Variants in ROCK1 observed in about 807,000 individuals in gnomAD.
ROCK1 encodes the protein Rho associated coiled-coil containing protein kinase 1.
ROCK1 carries 36 observed loss-of-function variants against 196.8 expected under a neutral mutation model. The observed-to-expected ratio is 0.18, with a 90% confidence interval of 0.14 to 0.24. The LOEUF (loss-of-function observed/expected upper bound fraction) is 0.24. ROCK1 is among the 10% of genes least tolerant of loss of function. The probability of loss-of-function intolerance (pLI) is 1.00; values close to 1 mark genes in which losing one functional copy is unlikely to be tolerated. For missense variants in ROCK1, 920 were observed against 1,562.0 expected (o/e 0.59, Z 6.93); for synonymous variants, 443 against 515.9 (o/e 0.86, Z 1.91).
At chr18:20,989,934 T>C (rs910009313) in intron 18 of ROCK1, among the ~76,000 whole-genome samples, 5 of 152,086 alleles carry the variant, frequency 3.3e-5, no homozygotes, top group South Asian at 2.1e-4. Context: ...AAGAAACTTA[T>C]GACCGATATG....
intron 27 of ROCK1, among the ~76,000 whole-genome samples, chr18:20,962,149 C>A (rs1295755894): frequency 6.6e-6 from 1 of 152,060 alleles, no homozygotes; most frequent in South Asian, 2.1e-4. Flanking sequence ...ATAGTGGTTC[C>A]AGTTTAAAAA....
intron 8 of ROCK1, among the ~76,000 whole-genome samples, chr18:21,040,058 C>G (rs866714575): frequency 6.6e-6 from 1 of 151,688 alleles, no homozygotes; most frequent in African/African-American, 2.4e-5. Context: ...GACTCCGTCT[C>G]AAAAAAAAGA....
At chr18:20,962,523 T>C (rs995030713) in intron 27 of ROCK1, among the ~76,000 whole-genome samples, 50 of 152,310 alleles carry the variant, frequency 3.3e-4, no homozygotes, top group African/African-American at 1.2e-3. Flanking sequence ...ATATTTATGC[T>C]TTCTGGCTCT....
intron 16 of ROCK1, among the ~76,000 whole-genome samples, chr18:21,004,044 A>AT (rs1428594627): frequency 2.0e-5 from 3 of 152,146 alleles, no homozygotes; most frequent in African/African-American, 7.2e-5. Context: ...CCTCCATAAC[A>AT]TTTTGATCAC....
Position 21,023,691 on chromosome 18 carries a change from GA to G in ROCK1, c.1212-12del. On this transcript the variant is annotated splice_polypyrimidine_tract_variant and intron_variant, in intron 10 of 32. Transcript: ENST00000399799. ...GCTGAAGATAAGTATCTGAGGGAAA[GA>G]AAAGTTTAAAAAGAAAAGAAAACAA... The G allele has an allele frequency of 6.6e-7, 1 of 1,523,798 alleles. No individual in the cohort carries two copies. The highest frequency in any genetic ancestry group is 8.9e-7 in the Non-Finnish European group (1 of 1,122,452). The allele number at this position is 1,523,798 out of a possible 1,614,324, so 94.4% of individuals were successfully genotyped here. A position where few individuals can be genotyped will look rare whatever the true frequency, so the allele number is the denominator to read the frequency against.
chr18:21,066,930 T>C (rs1200640970), intron 2 of ROCK1, among the ~76,000 whole-genome samples: 1 of 152,306 alleles, frequency 6.6e-6, no homozygotes, highest in East Asian at 1.9e-4. Flanking sequence ...TCATTTCTTT[T>C]CAGTAAATAT....
chr18:21,010,099 T>C (rs1012061663), intron 13 of ROCK1, among the ~76,000 whole-genome samples: 6 of 152,212 alleles, frequency 3.9e-5, no homozygotes, highest in African/African-American at 1.2e-4. Flanking sequence ...TTTTCCTTTA[T>C]CAGTCTTGCT....
chr18:20,959,051 T>C (rs1177387659), intron 29 of ROCK1, among the ~76,000 whole-genome samples: 1 of 58,706 alleles, frequency 1.7e-5, no homozygotes. Flanking sequence ...ATATATAATA[T>C]ATATATTATA....
In ROCK1 at chr18:21,042,640, G is replaced by T; in HGVS notation, c.745C>A (p.Gln249Lys). ...DYISPEVLKS[Q>K]GGDGYYGREC... Reference sequence around the variant, plus strand: ...CTTCCATAATAACCATCACCACCTTGGGATTTTAATACTTCAGGGGAAATA... The same window carrying T: ...CTTCCATAATAACCATCACCACCTTTGGATTTTAATACTTCAGGGGAAATA... Residue 249 changes from glutamine (Q) to lysine (K), a missense_variant, in exon 7 of 33, where the codon CAA becomes AAA. Gln to Lys is a moderately conservative substitution (Grantham distance 53, BLOSUM62 1). Transcript: ENST00000399799. 6.2e-7 allele frequency: 1 copy of T among 1,613,774 alleles called. No individual in the cohort carries two copies. Among genetic ancestry groups the T allele is most frequent in the Non-Finnish European group, 8.5e-7 (1 of 1,179,834 alleles).
chr18:21,076,246 G>T (rs1294035702), intron 1 of ROCK1, among the ~76,000 whole-genome samples: 1 of 152,176 alleles, frequency 6.6e-6, no homozygotes, highest in Non-Finnish European at 1.5e-5. Context: ...GCTCATGCCT[G>T]TAATCCCAGC....
chr18:21,019,193 G>A (rs113877599), intron 12 of ROCK1, among the ~76,000 whole-genome samples: 312 of 151,988 alleles, frequency 2.1e-3, no homozygotes, highest in Middle Eastern at 0.014. Flanking sequence ...TTGCTCTGTC[G>A]CCCAGGCTGG....
chr18:21,050,940 C>CT (rs1421471995), intron 2 of ROCK1, among the ~76,000 whole-genome samples: 1 of 152,130 alleles, frequency 6.6e-6, no homozygotes, highest in Non-Finnish European at 1.5e-5. Flanking sequence ...AGTTCCTATT[C>CT]TTTAAGAGTT....
At chr18:21,071,956 TTCTC>T (rs1480489452) in intron 1 of ROCK1, among the ~76,000 whole-genome samples, 1 of 152,192 alleles carries the variant, frequency 6.6e-6, no homozygotes, top group East Asian at 1.9e-4. Context: ...ATAGTCTCAC[TTCTC>T]TCTCTTTTAT....
chr18:21,110,370 T>C (rs1279027466), intron 1 of ROCK1, among the ~76,000 whole-genome samples: 1 of 152,202 alleles, frequency 6.6e-6, no homozygotes, highest in African/African-American at 2.4e-5. Context: ...GTTATCATTT[T>C]CAAGGCTAAA....
chr18:21,044,437 T>G (rs1192469406), intron 5 of ROCK1, among the ~76,000 whole-genome samples: 1 of 152,122 alleles, frequency 6.6e-6, no homozygotes, highest in East Asian at 1.9e-4. Flanking sequence ...ATCAAATCAT[T>G]TGAGAGAGAC....
At chr18:21,107,645 GAC>G (rs1856533401) in intron 1 of ROCK1, among the ~76,000 whole-genome samples, 1 of 152,176 alleles carries the variant, frequency 6.6e-6, no homozygotes, top group African/African-American at 2.4e-5. Context: ...CACCCTGAAT[GAC>G]ACAATGAATG....
chr18:21,077,119 G>A (rs1249766538), intron 1 of ROCK1, among the ~76,000 whole-genome samples: 3 of 151,520 alleles, frequency 2.0e-5, no homozygotes, highest in East Asian at 1.9e-4. Flanking sequence ...GACTACAGGC[G>A]CCCACCACCG....
intron 1 of ROCK1, among the ~76,000 whole-genome samples, chr18:21,100,734 G>A (rs2036652547): frequency 6.6e-6 from 1 of 152,126 alleles, no homozygotes; most frequent in Non-Finnish European, 1.5e-5. Flanking sequence ...CATGTAGGGA[G>A]GGAGGAGAAT....
intron 12 of ROCK1, among the ~76,000 whole-genome samples, chr18:21,017,698 C>T (rs1160007184): frequency 2.6e-5 from 4 of 151,614 alleles, no homozygotes; most frequent in Admixed American, 6.6e-5. Context: ...AGTGGCCGGG[C>T]GTGGTGGCTC....
Sources: gnomAD v4.1 joint callset for allele counts (sites outside exome capture counted in the v4.1 genomes callset) on GRCh38, gnomAD v4.1.1 for gene constraint, MANE v1.5 for transcripts, NCBI Gene and HGNC (gene_info 2026-07-23, HGNC 2026-07-21) for gene names.